The following NUP160 variants were observed in gnomAD, a reference collection of about 807,000 sequenced individuals.
NUP160 encodes the protein nuclear pore complex protein Nup160.
In NUP160, 94 loss-of-function variants were observed where a neutral mutation model predicts 196.9. The ratio of observed to expected loss-of-function variants is 0.48; its 90% CI spans 0.40 to 0.57. The LOEUF (loss-of-function observed/expected upper bound fraction) is 0.57, where lower values mean the gene tolerates loss of function less well. Ranked by LOEUF, NUP160 falls within the 20% of genes least tolerant of loss-of-function variation. The pLI, the probability that NUP160 is intolerant of heterozygous loss-of-function variation, is 0.00. For missense variants in NUP160, 1,638 were observed against 1,748.3 expected (o/e 0.94, Z 1.13); for synonymous variants, 605 against 619.7 (o/e 0.98, Z 0.35).
In NUP160 at chr11:47,830,450, T is replaced by A. The variant is rs576199037; in HGVS notation, c.1101+5201A>T. On this transcript the variant is annotated intron_variant, in intron 7 of 35. Transcript: ENST00000378460. Reference sequence around the variant, plus strand: ...AGCACTGTTCACAATAGCAAAGACATAGAATCAACCTAAATGCCCCTCAAT... The same window carrying A: ...AGCACTGTTCACAATAGCAAAGACAAAGAATCAACCTAAATGCCCCTCAAT... Among the ~76,000 whole-genome samples the A allele has an allele frequency of 7.2e-5, 11 of 152,000 alleles. No individual in the cohort carries two copies. The East Asian group carries it at 2.1e-3, about 29-fold the overall frequency.
chr11:47,824,322 T>A lies in NUP160; in HGVS notation c.1102-2158A>T, dbSNP rs76257415. Among the ~76,000 whole-genome samples, 856 of 151,922 alleles carry A rather than the reference T, an allele frequency of 5.6e-3. 9 individuals carry two copies. Among genetic ancestry groups the A allele is most frequent in the African/African-American group, 0.02 (822 of 41,464 alleles). ...TCACTGTGGTAAAAAAAATTATTTGTTGGCTGGGTGCGGTGGCTCACACCT... is the reference window on the plus strand; with the variant it reads ...TCACTGTGGTAAAAAAAATTATTTGATGGCTGGGTGCGGTGGCTCACACCT... On this transcript the variant is annotated intron_variant, in intron 7 of 35. Transcript: ENST00000378460.
intron 10 of NUP160, among the ~76,000 whole-genome samples, chr11:47,819,102 T>C: frequency 6.6e-6 from 1 of 151,874 alleles, no homozygotes; most frequent in East Asian, 1.9e-4. Flanking sequence ...TCACCTGAGG[T>C]CAGGAGTTGG....
intron 7 of NUP160, chr11:47,827,090 G>C (rs2135390472): frequency 2.2e-6 from 1 of 456,098 alleles, no homozygotes; most frequent in Admixed American, 2.4e-5. Flanking sequence ...ATTCAGGCTG[G>C]GTGCTGTGGT....
chr11:47,806,011 A>C (rs1185653505), intron 20 of NUP160, 142 bp downstream of exon 20: 1 of 697,398 alleles, frequency 1.4e-6, no homozygotes, highest in Non-Finnish European at 2.5e-6. Flanking sequence ...GTGGGGTTTC[A>C]CCATGTTGGC....
exon 3 of NUP160, chr11:47,840,392 G>A (rs769130054): frequency 1.4e-5 from 23 of 1,613,234 alleles, no homozygotes; most frequent in South Asian, 1.2e-4. Context: ...CTATACATCC[G>A]GGAGGGGTGT....
intron 29 of NUP160, among the ~76,000 whole-genome samples, chr11:47,789,967 C>T (rs559404607): frequency 6.8e-4 from 94 of 139,114 alleles, no homozygotes; most frequent in African/African-American, 2.3e-3. Context: ...TTTTTTGAGA[C>T]AGAGTTTCGC....
chr11:47,839,456 G>C (rs1285791672), intron 4 of NUP160: 2 of 220,810 alleles, frequency 9.1e-6, no homozygotes, highest in African/African-American at 4.6e-5. Context: ...GATCTGGGGA[G>C]ATATATAGAA....
Position 47,782,300 on chromosome 11 carries a change from AAAAATATATATATATATATAT to A in NUP160, c.4116+752_4116+772del, listed in dbSNP as rs1255043176. Among the ~76,000 whole-genome samples, 74 of 42,522 alleles carry A rather than the reference AAAAATATATATATATATATAT, an allele frequency of 1.7e-3. 5 individuals are homozygous for A. The South Asian group carries it at 0.031, about 18-fold the overall frequency. The allele number at this position is 42,522 out of a possible 152,430, so 27.9% of individuals were successfully genotyped here. A position where few individuals can be genotyped will look rare whatever the true frequency, so the allele number is the denominator to read the frequency against. ...GAGCAAAACTCAGTTAAAAAAAAAA[AAAAATATATATATATATATAT>A]ATATATATATATATATATATATATA... On this transcript the variant is annotated intron_variant, in intron 34 of 35. Coordinates refer to ENST00000378460, the Ensembl canonical transcript of NUP160.
At chr11:47,792,364 C>CA in intron 28 of NUP160, 1 of 223,850 alleles carries the variant, frequency 4.5e-6, no homozygotes, top group South Asian at 9.8e-5. Context: ...CATTAACAAA[C>CA]ACAATAGAAA....
chr11:47,827,308 G>C (rs980537689), intron 7 of NUP160: 3 of 355,712 alleles, frequency 8.4e-6, no homozygotes, highest in African/African-American at 6.5e-5. Flanking sequence ...AGGTTGCAGT[G>C]AGCTGAGATT....
At chr11:47,804,657 C>A (rs1340319966) in intron 20 of NUP160, 39 bp from the exon 21 acceptor site, 1 of 1,381,176 alleles carries the variant, frequency 7.2e-7, no homozygotes, top group Admixed American at 2.7e-5. Flanking sequence ...TTTTTGTTGG[C>A]AAATCTTAAA....
chr11:47,812,019 T>C (rs539006815), intron 17 of NUP160, 45 bp downstream of exon 17: 4 of 1,596,494 alleles, frequency 2.5e-6, no homozygotes, highest in African/African-American at 2.7e-5. Flanking sequence ...TGTAGGCCTA[T>C]AACAGGTTTT....
intron 5 of NUP160, 104 bp from the exon 6 acceptor site, chr11:47,837,105 G>C (rs1425179697): frequency 7.9e-6 from 5 of 632,166 alleles, no homozygotes; most frequent in African/African-American, 7.3e-5. Flanking sequence ...TACACTCTTA[G>C]CAGAAGGACC....
chr11:47,798,754 C>T (rs2097672374), intron 23 of NUP160, among the ~76,000 whole-genome samples: 1 of 151,868 alleles, frequency 6.6e-6, no homozygotes, highest in South Asian at 2.1e-4. Flanking sequence ...TGCTTGAACC[C>T]AGGAGTTCAA....
intron 8 of NUP160, 42 bp from the exon 9 acceptor site, chr11:47,821,863 AAAGT>A (rs769292015): frequency 3.4e-6 from 5 of 1,472,452 alleles, no homozygotes; most frequent in Non-Finnish European, 4.8e-6. Context: ...AATAAGAAAG[AAAGT>A]AGTAGTTCAC....
At chr11:47,824,466 C>T (rs757519052) in intron 7 of NUP160, among the ~76,000 whole-genome samples, 2 of 151,592 alleles carry the variant, frequency 1.3e-5, no homozygotes, top group African/African-American at 4.8e-5. Context: ...AAAATTTAGC[C>T]GGGCGCAGTG....
In NUP160 at chr11:47,812,191, TG is replaced by T. The variant is rs1413973163; in HGVS notation, c.2113del (p.Gln705SerfsTer25). Reference sequence around the variant, plus strand: ...CCCTGCTGTGTTACTACCATAGAGCTGGGTAAGATTCATTCGAATATTCAAA... The same window carrying T: ...CCCTGCTGTGTTACTACCATAGAGCTGGTAAGATTCATTCGAATATTCAAA... On this transcript the variant is annotated frameshift_variant, in exon 17 of 36. Transcript: ENST00000378460. LOFTEE classifies it high-confidence loss of function. 6.2e-7 allele frequency: 1 copy of T among 1,614,140 alleles called. No individual in the cohort carries two copies. The highest frequency in any genetic ancestry group is 8.5e-7 in the Non-Finnish European group (1 of 1,180,024).
intron 2 of NUP160, chr11:47,841,333 A>G (rs550439097): frequency 2.0e-4 from 67 of 338,006 alleles, no homozygotes; most frequent in African/African-American, 1.4e-3. Flanking sequence ...AATGGGCAGA[A>G]TTTTCCTTGA....
intron 2 of NUP160, chr11:47,841,817 A>G (rs1218599859): frequency 5.9e-6 from 1 of 168,150 alleles, no homozygotes; most frequent in Admixed American, 6.4e-5. Context: ...CCTCCTCAGC[A>G]GCTGGGACTA....
Sources: allele counts gnomAD v4.1 joint callset (sites outside exome capture counted in the v4.1 genomes callset), GRCh38; gene constraint gnomAD v4.1.1; transcripts MANE v1.5; gene names NCBI Gene and HGNC (gene_info 2026-07-23, HGNC 2026-07-21).